Variants in PAPPA observed in about 807,000 individuals in gnomAD.
PAPPA encodes pappalysin 1.
A neutral mutation model predicts 164.0 loss-of-function variants in PAPPA; 60 were observed. That is an observed-to-expected ratio of 0.37 (90% CI 0.30 to 0.45). PAPPA has a LOEUF of 0.45. PAPPA is among the 20% of genes least tolerant of loss of function. PAPPA has a pLI of 1.00. For synonymous variants in PAPPA, 875 were observed against 814.1 expected (o/e 1.07, Z -1.27); for missense variants, 1,782 against 2,087.3 (o/e 0.85, Z 2.85).
At chr9:116,276,384 C>G (rs961418433) in intron 9 of PAPPA, among the ~76,000 whole-genome samples, 2 of 152,202 alleles carry the variant, frequency 1.3e-5, no homozygotes, top group African/African-American at 2.4e-5. Context: ...GAGAAGCCCT[C>G]ATGCTCTGTT....
intron 1 of PAPPA, among the ~76,000 whole-genome samples, chr9:116,176,322 G>C (rs1843834527): frequency 6.6e-6 from 1 of 152,154 alleles, no homozygotes; most frequent in Non-Finnish European, 1.5e-5. Context: ...CTGTTTGGGG[G>C]AATAGTGAAA....
At chr9:116,189,682 T>G (rs1844018876) in intron 2 of PAPPA, among the ~76,000 whole-genome samples, 1 of 152,200 alleles carries the variant, frequency 6.6e-6, no homozygotes, top group Admixed American at 6.5e-5. Flanking sequence ...CAATATCCAC[T>G]TTCTTGTTTT....
intron 7 of PAPPA, among the ~76,000 whole-genome samples, chr9:116,241,948 T>G (rs1322225635): frequency 6.6e-6 from 1 of 152,132 alleles, no homozygotes; most frequent in African/African-American, 2.4e-5. Flanking sequence ...TGTTCTTGTA[T>G]GTATTAATTT....
intron 1 of PAPPA, among the ~76,000 whole-genome samples, chr9:116,185,716 G>A (rs750317321): frequency 1.3e-5 from 2 of 152,308 alleles, no homozygotes; most frequent in Admixed American, 1.3e-4. Context: ...ATTCCAGAAA[G>A]GCTAGGAAAT....
chr9:116,212,352 G>C (rs1479256017), intron 4 of PAPPA, among the ~76,000 whole-genome samples: 2 of 151,952 alleles, frequency 1.3e-5, no homozygotes, highest in Non-Finnish European at 2.9e-5. Context: ...TCTTATCATA[G>C]TACTTTTGAG....
intron 10 of PAPPA, among the ~76,000 whole-genome samples, chr9:116,328,283 C>T (rs971892109): frequency 5.9e-5 from 9 of 152,128 alleles, no homozygotes; most frequent in Admixed American, 3.9e-4. Flanking sequence ...CAAAGTCTTG[C>T]GCTGTTGTAA....
At position 116,347,058 on chromosome 9, in the gene PAPPA, G is replaced by A. The variant is rs1325537581; in HGVS notation, c.3813G>A (p.Glu1271=). 11 of 1,614,040 alleles carry A rather than the reference G, an allele frequency of 6.8e-6. No homozygotes were observed. The highest frequency in any genetic ancestry group is 9.3e-6 in the Non-Finnish European group (11 of 1,179,966). Reference sequence around the variant, plus strand: ...CCAGCGTCACAGTGACCTGTACAGAGGGCAAGTGGAATAAGCAGGTGGCCT... The same window carrying A: ...CCAGCGTCACAGTGACCTGTACAGAAGGCAAGTGGAATAAGCAGGTGGCCT... ...TGPSVTVTCT[E]GKWNKQVACE... is the part of the protein sequence containing the mutation. The change falls in exon 15 of 22, where the codon GAG becomes GAA. Residue 1271 remains glutamate, a synonymous_variant. Transcript: ENST00000328252. This position sits in a 1 kb window ranked among gnomAD's most constrained non-coding sequence, Gnocchi z 4.5.
intron 1 of PAPPA, among the ~76,000 whole-genome samples, chr9:116,176,420 G>T (rs1460509576): frequency 6.6e-6 from 1 of 152,206 alleles, no homozygotes; most frequent in Admixed American, 6.5e-5. Context: ...CCAGTTAGAA[G>T]AGTGTTCCAA....
intron 21 of PAPPA, among the ~76,000 whole-genome samples, chr9:116,386,769 A>C (rs1241883793): frequency 6.6e-6 from 1 of 152,156 alleles, no homozygotes; most frequent in African/African-American, 2.4e-5. Context: ...TTTGGCAAAG[A>C]GGAGAGCAGC....
chr9:116,176,193 C>T (rs558113606), intron 1 of PAPPA, among the ~76,000 whole-genome samples: 5 of 152,222 alleles, frequency 3.3e-5, no homozygotes, highest in African/African-American at 9.6e-5. Flanking sequence ...CAGTGTGGGC[C>T]AAAGTGAGGA....
At chr9:116,170,317 T>C (rs944983702) in intron 1 of PAPPA, among the ~76,000 whole-genome samples, 10 of 152,212 alleles carry the variant, frequency 6.6e-5, no homozygotes, top group African/African-American at 2.4e-4. Context: ...TGTACCCTTG[T>C]TGGAGTAAAT....
Position 116,171,495 on chromosome 9 carries a change from C to G in PAPPA, c.416-15659C>G, listed in dbSNP as rs149258413. Among the ~76,000 whole-genome samples, 476 of 140,558 alleles carry G rather than the reference C, an allele frequency of 3.4e-3. 5 individuals carry two copies. Among genetic ancestry groups the G allele is most frequent in the African/African-American group, 0.012 (452 of 38,900 alleles). 92.2% of individuals were successfully genotyped at this position (140,558 alleles called of 152,430 possible). A position where few individuals can be genotyped will look rare whatever the true frequency, so the allele number is the denominator to read the frequency against. On this transcript the variant is annotated intron_variant, in intron 1 of 21. Transcript: ENST00000328252. ...TTTTTCTCCAACCCCCACTTTCAAC[C>G]CCCCCACCACTCTGTCCACCCTTAC...
At chr9:116,174,741 A>G (rs888030737) in intron 1 of PAPPA, among the ~76,000 whole-genome samples, 2 of 151,956 alleles carry the variant, frequency 1.3e-5, no homozygotes. Flanking sequence ...AAAAAATAAT[A>G]TAATAATAAT....
chr9:116,379,461 C>G (rs1269899763), intron 20 of PAPPA, among the ~76,000 whole-genome samples: 1 of 152,128 alleles, frequency 6.6e-6, no homozygotes, highest in African/African-American at 2.4e-5. Flanking sequence ...TGTTCCAGTT[C>G]TGGGAATACA....
intron 2 of PAPPA, among the ~76,000 whole-genome samples, chr9:116,198,072 C>T (rs762960597): frequency 6.6e-6 from 1 of 152,162 alleles, no homozygotes; most frequent in Non-Finnish European, 1.5e-5. Context: ...AATCACAGGG[C>T]TGTTAGTAAG....
At chr9:116,346,602 AC>A (rs1170010026) in intron 14 of PAPPA, among the ~76,000 whole-genome samples, 2 of 152,124 alleles carry the variant, frequency 1.3e-5, no homozygotes, top group Non-Finnish European at 2.9e-5. Flanking sequence ...ACAAATCAAC[AC>A]TTGATGTCCT....
intron 19 of PAPPA, among the ~76,000 whole-genome samples, chr9:116,370,122 TG>T (rs1253035723): frequency 1.3e-5 from 2 of 152,062 alleles, no homozygotes; most frequent in East Asian, 1.9e-4. Flanking sequence ...TTTAGATAGC[TG>T]GGGGTGAGGC....
chr9:116,194,843 C>T (rs1844084821), intron 2 of PAPPA, among the ~76,000 whole-genome samples: 1 of 152,116 alleles, frequency 6.6e-6, no homozygotes, highest in South Asian at 2.1e-4. Flanking sequence ...AAAAAAAGGC[C>T]TGGATGAAAC....
intron 11 of PAPPA, among the ~76,000 whole-genome samples, chr9:116,331,900 G>A (rs971245294): frequency 1.3e-5 from 2 of 152,232 alleles, no homozygotes; most frequent in African/African-American, 4.8e-5. Context: ...ACATGGAGAA[G>A]TGAAAGATAA....
Sources: allele counts gnomAD v4.1 joint callset (sites outside exome capture counted in the v4.1 genomes callset), GRCh38; gene constraint gnomAD v4.1.1; non-coding constraint Gnocchi (gnomAD v3.1); transcripts MANE v1.5; gene names NCBI Gene and HGNC (gene_info 2026-07-23, HGNC 2026-07-21).